TGFBR3: variants seen among roughly 807,000 people sequenced by gnomAD.
TGFBR3 encodes transforming growth factor beta receptor type 3.
Under a neutral mutation model 87.9 loss-of-function variants are expected in TGFBR3, and 46 were observed. The observed-to-expected ratio is 0.52, with a 90% confidence interval of 0.41 to 0.67. TGFBR3 has a LOEUF of 0.67. Ranked by LOEUF, TGFBR3 falls within the 30% of genes least tolerant of loss-of-function variation. The pLI, the probability that TGFBR3 is intolerant of heterozygous loss-of-function variation, is 0.00. For missense variants in TGFBR3, 866 were observed against 1,041.9 expected (o/e 0.83, Z 2.32); for synonymous variants, 381 against 391.6 (o/e 0.97, Z 0.32).
intron 3 of TGFBR3, among the ~76,000 whole-genome samples, chr1:91,767,471 C>G (rs1674221767): frequency 7.5e-6 from 1 of 133,388 alleles, no homozygotes. Flanking sequence ...TAACCATCAT[C>G]ATCATCATCT....
chr1:91,864,666 C>T (rs1444945647), intron 1 of TGFBR3, among the ~76,000 whole-genome samples: 1 of 152,208 alleles, frequency 6.6e-6, no homozygotes, highest in Non-Finnish European at 1.5e-5. Flanking sequence ...AGCTGAACTC[C>T]AGTTTTGGCC....
intron 1 of TGFBR3, chr1:91,861,857 CTTT>C (rs11414154): frequency 2.5e-3 from 617 of 248,210 alleles, no homozygotes; most frequent in East Asian, 0.011. Flanking sequence ...TTGTTATTGG[CTTT>C]TTTTTTTTTT....
rs189153874 is a variant in TGFBR3 at position 91,879,468 on chromosome 1, G to T, written c.-114+6410C>A. 7.2e-4 allele frequency among the ~76,000 whole-genome samples: 110 copies of T among 152,174 alleles called. 1 individual carries two copies. Among genetic ancestry groups the T allele is most frequent in the African/African-American group, 2.6e-3 (109 of 41,514 alleles). On this transcript the variant is annotated intron_variant, in intron 1 of 16. Transcript: ENST00000212355. ...GCAGGGCACATTAGGATGGCCTGAA[G>T]GCATGGTTCTGGGGCTCTTGTTCTA...
chr1:91,759,985 T>G (rs1673901466), intron 3 of TGFBR3, among the ~76,000 whole-genome samples: 1 of 152,244 alleles, frequency 6.6e-6, no homozygotes, highest in Non-Finnish European at 1.5e-5. Flanking sequence ...TTATGACCAA[T>G]GTCACTTATC....
chr1:91,795,164 AG>A (rs1392204138), intron 3 of TGFBR3, among the ~76,000 whole-genome samples: 1 of 152,248 alleles, frequency 6.6e-6, no homozygotes, highest in African/African-American at 2.4e-5. Context: ...TCCAAAAATC[AG>A]TTATCCCAAA....
In TGFBR3 at chr1:91,685,416, G is replaced by A. The variant is rs369579773; in HGVS notation, c.2438-1559C>T. Among the ~76,000 whole-genome samples the A allele has an allele frequency of 2.9e-4, 41 of 139,226 alleles. 1 individual carries two copies. The highest frequency in any genetic ancestry group is 9.2e-4 in the African/African-American group (34 of 36,938). 91.3% of individuals were successfully genotyped at this position (139,226 alleles called of 152,430 possible). On this transcript the variant is annotated intron_variant, in intron 16 of 16. Coordinates refer to ENST00000212355, the MANE Select transcript of TGFBR3 (RefSeq NM_003243.5). ...TGGCTCACTGCAACCTCCACCCCCC[G>A]GGTTCAAGCAATTCTCCTGTCTCAG...
At chr1:91,798,127 TC>T (rs1675458330) in intron 2 of TGFBR3, among the ~76,000 whole-genome samples, 1 of 152,148 alleles carries the variant, frequency 6.6e-6, no homozygotes, top group African/African-American at 2.4e-5. Context: ...AAGCCTTAAA[TC>T]CTAAATCCAT....
At chr1:91,735,754 G>A (rs1334840332) in intron 4 of TGFBR3, among the ~76,000 whole-genome samples, 2 of 152,152 alleles carry the variant, frequency 1.3e-5, no homozygotes, top group Non-Finnish European at 2.9e-5. Flanking sequence ...TCATCATCTT[G>A]TTGCTGTGCT....
chr1:91,719,783 A>AAATGAAATGAT, intron 9 of TGFBR3, 110 bp downstream of exon 9: 1 of 1,239,898 alleles, frequency 8.1e-7, no homozygotes, highest in South Asian at 1.2e-5. Flanking sequence ...AACAGTATCA[A>AAATGAAATGAT]GCCTCCGGAG....
chr1:91,748,555 T>C (rs1673425287), intron 4 of TGFBR3, among the ~76,000 whole-genome samples: 1 of 152,208 alleles, frequency 6.6e-6, no homozygotes, highest in South Asian at 2.1e-4. Context: ...GCTCACCTGA[T>C]GCGATGCCCT....
intron 2 of TGFBR3, chr1:91,801,136 G>A: frequency 5.3e-6 from 1 of 188,956 alleles, no homozygotes; most frequent in South Asian, 7.8e-5. Flanking sequence ...TTTATTAAGT[G>A]CCCACTATGC....
intron 1 of TGFBR3, among the ~76,000 whole-genome samples, chr1:91,871,958 G>T (rs766806868): frequency 5.9e-5 from 9 of 152,140 alleles, no homozygotes; most frequent in Non-Finnish European, 1.2e-4. Flanking sequence ...TTACTTCCTA[G>T]TATGTTGTTA....
chr1:91,784,428 C>A (rs1377907075), intron 3 of TGFBR3, among the ~76,000 whole-genome samples: 3 of 152,176 alleles, frequency 2.0e-5, no homozygotes, highest in Admixed American at 6.5e-5. Context: ...CTAGTTCCTG[C>A]CCGAAAGCAG....
chr1:91,873,538 G>A (rs1434229400), intron 1 of TGFBR3, among the ~76,000 whole-genome samples: 6 of 151,558 alleles, frequency 4.0e-5, no homozygotes, highest in Admixed American at 1.3e-4. Flanking sequence ...AGGAGTCCTC[G>A]AGACTCCTGT....
chr1:91,685,653 A>G (rs1671066266), intron 16 of TGFBR3, among the ~76,000 whole-genome samples: 2 of 151,948 alleles, frequency 1.3e-5, no homozygotes, highest in African/African-American at 4.8e-5. Context: ...TTGGAAACCT[A>G]TGTTTTGGAC....
intron 3 of TGFBR3, among the ~76,000 whole-genome samples, chr1:91,778,209 A>G (rs752001058): frequency 3.3e-5 from 5 of 151,534 alleles, no homozygotes; most frequent in Non-Finnish European, 5.9e-5. Flanking sequence ...CCCTTAGTTT[A>G]CATTTCAGCT....
chr1:91,734,065 G>GGAGA (rs1289126616), intron 5 of TGFBR3, among the ~76,000 whole-genome samples: 2 of 136,560 alleles, frequency 1.5e-5, no homozygotes, highest in African/African-American at 5.3e-5. Flanking sequence ...AGGGAGGGAG[G>GGAGA]GAGGGAGGGA....
chr1:91,787,236 G>A (rs1371430526), intron 3 of TGFBR3, among the ~76,000 whole-genome samples: 1 of 152,096 alleles, frequency 6.6e-6, no homozygotes, highest in Non-Finnish European at 1.5e-5. Flanking sequence ...AGGAGGCGGA[G>A]GTTGCAGTGA....
intron 2 of TGFBR3, among the ~76,000 whole-genome samples, chr1:91,845,175 A>T (rs2101126411): frequency 6.6e-6 from 1 of 152,362 alleles, no homozygotes; most frequent in Non-Finnish European, 1.5e-5. Context: ...CAACATCACG[A>T]AATGTTTCGG....
Sources: allele counts gnomAD v4.1 joint callset (sites outside exome capture counted in the v4.1 genomes callset), GRCh38; gene constraint gnomAD v4.1.1; transcripts MANE v1.5; gene names NCBI Gene and HGNC (gene_info 2026-07-23, HGNC 2026-07-21).